TMEM135: variants seen among roughly 807,000 people sequenced by gnomAD.
TMEM135 encodes the protein peroxisomal membrane protein 52.
In TMEM135, 30 loss-of-function variants were observed where a neutral mutation model predicts 60.3. The ratio of observed to expected loss-of-function variants is 0.50; its 90% CI spans 0.37 to 0.68. TMEM135 has a LOEUF of 0.68. Among genes scored for constraint, TMEM135 ranks in the 30% least tolerant of loss-of-function variants. TMEM135 has a pLI of 0.00. For synonymous variants in TMEM135, 190 were observed against 186.7 expected (o/e 1.02, Z -0.14); for missense variants, 468 against 548.8 (o/e 0.85, Z 1.47).
chr11:87,244,994 A>G (rs942825425), intron 6 of TMEM135, among the ~76,000 whole-genome samples: 5 of 151,508 alleles, frequency 3.3e-5, no homozygotes, highest in Non-Finnish European at 7.4e-5. Flanking sequence ...ATTTAGTGCT[A>G]TAAATTTCCC....
intron 1 of TMEM135, among the ~76,000 whole-genome samples, chr11:87,050,368 G>C (rs1949830057): frequency 1.8e-5 from 1 of 55,500 alleles, no homozygotes; most frequent in Admixed American, 2.1e-4. Flanking sequence ...AAAAATCAAT[G>C]AATCCAGGAG....
intron 4 of TMEM135, among the ~76,000 whole-genome samples, chr11:87,098,147 T>C (rs1473886388): frequency 1.3e-5 from 2 of 152,088 alleles, no homozygotes; most frequent in Non-Finnish European, 1.5e-5. Context: ...TGCAAATTTT[T>C]TTTTTTTTTG....
chr11:87,214,105 A>T (rs767010211), intron 5 of TMEM135, among the ~76,000 whole-genome samples: 1 of 152,216 alleles, frequency 6.6e-6, no homozygotes, highest in Admixed American at 6.5e-5. Context: ...AGTAGTTGTT[A>T]TAATCATTGC....
chr11:87,234,205 T>A (rs1443015585), intron 5 of TMEM135, among the ~76,000 whole-genome samples: 2 of 151,968 alleles, frequency 1.3e-5, no homozygotes, highest in Non-Finnish European at 2.9e-5. Context: ...AAAATAACAA[T>A]CCCCAGTCTT....
intron 4 of TMEM135, among the ~76,000 whole-genome samples, chr11:87,135,330 T>G (rs1228176090): frequency 1.3e-5 from 2 of 152,080 alleles, no homozygotes; most frequent in Non-Finnish European, 2.9e-5. Context: ...GAGTTTCTGC[T>G]ATATTTTCTT....
chr11:87,221,439 TTAGAG>T (rs775046243), intron 5 of TMEM135, among the ~76,000 whole-genome samples: 2 of 152,192 alleles, frequency 1.3e-5, no homozygotes, highest in Non-Finnish European at 1.5e-5. Flanking sequence ...ACCATCGTTG[TTAGAG>T]TAATGTTATT....
chr11:87,231,718 C>T (rs1940892117), intron 5 of TMEM135, among the ~76,000 whole-genome samples: 2 of 151,556 alleles, frequency 1.3e-5, no homozygotes, highest in African/African-American at 2.4e-5. Flanking sequence ...AATTAGCAGG[C>T]AAAGACATTA....
chr11:87,148,160 CAAAAG>C (rs1232159763), intron 4 of TMEM135, among the ~76,000 whole-genome samples: 3 of 152,040 alleles, frequency 2.0e-5, no homozygotes, highest in Non-Finnish European at 4.4e-5. Flanking sequence ...AATAAAAACT[CAAAAG>C]AAAGAGACAT....
chr11:87,249,027 C>G (rs183462226), intron 6 of TMEM135, among the ~76,000 whole-genome samples: 190 of 152,060 alleles, frequency 1.2e-3, no homozygotes, highest in Non-Finnish European at 1.8e-3. Context: ...TTTTCCATGT[C>G]TATCATCTGC....
chr11:87,157,506 TAG>T (rs1227627319), intron 5 of TMEM135, 100 bp downstream of exon 5: 2 of 1,029,976 alleles, frequency 1.9e-6, no homozygotes, highest in Non-Finnish European at 3.0e-6. Context: ...GTCTAAGAAA[TAG>T]AGAGATATCT....
At chr11:87,060,378 G>T (rs1167527467) in intron 1 of TMEM135, among the ~76,000 whole-genome samples, 2 of 152,076 alleles carry the variant, frequency 1.3e-5, no homozygotes, top group Non-Finnish European at 2.9e-5. Context: ...GAAGAGTCAG[G>T]TTATTTTTAT....
At chr11:87,085,245 T>G (rs1466329997) in intron 3 of TMEM135, among the ~76,000 whole-genome samples, 1 of 152,204 alleles carries the variant, frequency 6.6e-6, no homozygotes. Context: ...CCTTCAGAGA[T>G]AATATTCTCT....
At chr11:87,272,770 T>A (rs970670540) in intron 6 of TMEM135, among the ~76,000 whole-genome samples, 1 of 152,254 alleles carries the variant, frequency 6.6e-6, no homozygotes, top group African/African-American at 2.4e-5. Flanking sequence ...CATCCAGCAC[T>A]GTAATGATTC....
intron 5 of TMEM135, 89 bp from the exon 6 acceptor site, chr11:87,236,549 C>T (rs748267808): frequency 6.3e-5 from 67 of 1,071,630 alleles, no homozygotes; most frequent in Non-Finnish European, 9.5e-5. Context: ...GTTTCAGGCA[C>T]AAGATTTAAT....
chr11:87,133,134 A>G lies in TMEM135; in HGVS notation c.397-24207A>G, dbSNP rs539465520. ...GCAGGACAGCTTAAGATGTTATCAAACTACTCATAATGGCAAACAGTTTAA... is the reference window on the plus strand; with the variant it reads ...GCAGGACAGCTTAAGATGTTATCAAGCTACTCATAATGGCAAACAGTTTAA... On this transcript the variant is annotated intron_variant, in intron 4 of 14. Transcript: ENST00000305494. Among the ~76,000 whole-genome samples the G allele has an allele frequency of 2.6e-5, 4 of 152,302 alleles. No homozygotes were observed. The East Asian group carries it at 7.7e-4, about 29-fold the overall frequency.
At chr11:87,226,489 G>A (rs1247132843) in intron 5 of TMEM135, among the ~76,000 whole-genome samples, 1 of 152,154 alleles carries the variant, frequency 6.6e-6, no homozygotes, top group Non-Finnish European at 1.5e-5. Flanking sequence ...TCTGTCAGCG[G>A]AATTAGAATT....
chr11:87,204,409 C>T (rs762260410), intron 5 of TMEM135, among the ~76,000 whole-genome samples: 2 of 152,086 alleles, frequency 1.3e-5, no homozygotes. Flanking sequence ...TTATGCAATA[C>T]AGTTGACCTT....
intron 5 of TMEM135, among the ~76,000 whole-genome samples, chr11:87,164,251 A>C (rs1369336742): frequency 1.2e-4 from 14 of 113,762 alleles, no homozygotes; most frequent in Non-Finnish European, 2.1e-4. Context: ...TCAGCTTTCT[A>C]CATATGGCTA....
At chr11:87,062,572 C>G (rs928836125) in intron 1 of TMEM135, among the ~76,000 whole-genome samples, 2 of 151,786 alleles carry the variant, frequency 1.3e-5, no homozygotes, top group Non-Finnish European at 2.9e-5. Flanking sequence ...TCAAGCGATT[C>G]TCCTGCCTCA....
Sources: gnomAD v4.1 joint callset for allele counts (sites outside exome capture counted in the v4.1 genomes callset) on GRCh38, gnomAD v4.1.1 for gene constraint, MANE v1.5 for transcripts, NCBI Gene and HGNC (gene_info 2026-07-23, HGNC 2026-07-21) for gene names.